Variants in AGL observed in about 807,000 individuals in gnomAD.
The protein encoded by AGL is glycogen debranching enzyme.
Under a neutral mutation model 199.3 loss-of-function variants are expected in AGL, and 128 were observed. The observed-to-expected ratio is 0.64, with a 90% CI of 0.56 to 0.74. The LOEUF is 0.74. Ranked by LOEUF, AGL falls within the 30% of genes least tolerant of loss-of-function variation. The pLI, the probability that AGL is intolerant of heterozygous loss-of-function variation, is 0.00. For synonymous variants in AGL, 584 were observed against 594.7 expected (o/e 0.98, Z 0.26); for missense variants, 1,809 against 1,820.8 (o/e 0.99, Z 0.12).
intron 2 of AGL, among the ~76,000 whole-genome samples, chr1:99,856,598 A>G (rs369468741): frequency 1.3e-5 from 2 of 152,050 alleles, no homozygotes; most frequent in Non-Finnish European, 2.9e-5. Context: ...GCGGCCTTCC[A>G]CAGTGTTTGT....
intron 2 of AGL, among the ~76,000 whole-genome samples, chr1:99,856,257 G>A (rs1442470976): frequency 6.6e-6 from 1 of 151,232 alleles, no homozygotes; most frequent in African/African-American, 2.4e-5. Context: ...GGTATGCGCT[G>A]ATATATCTAT....
intron 5 of AGL, 91 bp downstream of exon 5, chr1:99,864,680 GAGAA>G: frequency 2.5e-6 from 3 of 1,215,918 alleles, no homozygotes; most frequent in Non-Finnish European, 3.6e-6. Flanking sequence ...AAGAAAGAAA[GAGAA>G]AGGAAAGGGG....
intron 33 of AGL, among the ~76,000 whole-genome samples, chr1:99,919,400 G>A (rs776317773): frequency 3.3e-4 from 51 of 152,260 alleles, no homozygotes; most frequent in African/African-American, 1.2e-3. Context: ...TTCTGGCCCA[G>A]CAAGGTTTTC....
At chr1:99,898,912 G>A (rs1050355618) in intron 25 of AGL, among the ~76,000 whole-genome samples, 3 of 152,048 alleles carry the variant, frequency 2.0e-5, no homozygotes, top group East Asian at 1.9e-4. Context: ...ATCAGAAGTC[G>A]TTTTATTAAA....
chr1:99,909,533 C>A (rs545494778), intron 27 of AGL, among the ~76,000 whole-genome samples: 1 of 152,256 alleles, frequency 6.6e-6, no homozygotes, highest in Admixed American at 6.5e-5. Context: ...GTCCCTCTTT[C>A]CTTTTCCTTT....
At chr1:99,871,128 G>A (rs1650966212) in intron 7 of AGL, among the ~76,000 whole-genome samples, 1 of 152,158 alleles carries the variant, frequency 6.6e-6, no homozygotes, top group Non-Finnish European at 1.5e-5. Context: ...TCAGAATATT[G>A]TGGAACCCAG....
intron 20 of AGL, 57 bp downstream of exon 20, chr1:99,884,760 A>G: frequency 1.2e-6 from 2 of 1,601,960 alleles, no homozygotes; most frequent in Non-Finnish European, 1.7e-6. Flanking sequence ...TTACCACTAG[A>G]CTGAATTAAG....
intron 2 of AGL, among the ~76,000 whole-genome samples, chr1:99,856,583 A>G (rs1396201767): frequency 6.6e-6 from 1 of 151,844 alleles, no homozygotes; most frequent in Non-Finnish European, 1.5e-5. Flanking sequence ...TAGGCAAAGG[A>G]CCCTGCGGCC....
intron 5 of AGL, among the ~76,000 whole-genome samples, chr1:99,865,044 C>T (rs1557750042): frequency 6.6e-6 from 1 of 152,210 alleles, no homozygotes; most frequent in Non-Finnish European, 1.5e-5. Context: ...TGCCATCCTG[C>T]TCTATCCCAC....
At chr1:99,870,005 G>A (rs996615730) in intron 5 of AGL, among the ~76,000 whole-genome samples, 1 of 152,076 alleles carries the variant, frequency 6.6e-6, no homozygotes, top group Admixed American at 6.6e-5. Flanking sequence ...TCCTGATTCT[G>A]ATTCTGAACT....
intron 2 of AGL, among the ~76,000 whole-genome samples, chr1:99,855,522 C>T (rs1029110062): frequency 1.3e-5 from 2 of 152,072 alleles, no homozygotes; most frequent in African/African-American, 4.8e-5. Context: ...AAAATCAGGC[C>T]GAGCACGGTG....
chr1:99,855,645 A>G (rs976190951), intron 2 of AGL, among the ~76,000 whole-genome samples: 1 of 152,066 alleles, frequency 6.6e-6, no homozygotes, highest in Non-Finnish European at 1.5e-5. Flanking sequence ...TACCAAAAAT[A>G]CAAAAATTAG....
chr1:99,861,460 T>G (rs1571225892), intron 2 of AGL, 43 bp from the exon 3 acceptor site: 1 of 1,612,642 alleles, frequency 6.2e-7, no homozygotes, highest in East Asian at 2.2e-5. Flanking sequence ...ATGTGGTAAT[T>G]TAAGTCCTAC....
At chr1:99,891,170 A>G (rs1430319672) in intron 21 of AGL, 50 bp from the exon 22 acceptor site, 1 of 1,611,564 alleles carries the variant, frequency 6.2e-7, no homozygotes, top group Non-Finnish European at 8.5e-7. Flanking sequence ...GGATATAGGA[A>G]CAAATTGATG....
chr1:99,876,693 T>A, intron 11 of AGL, 96 bp downstream of exon 11: 2 of 1,401,762 alleles, frequency 1.4e-6, no homozygotes, highest in African/African-American at 1.4e-5. Context: ...CCCATTAGTC[T>A]ATTGGTTTTT....
At chr1:99,872,504 G>A (rs1240121160) in intron 7 of AGL, among the ~76,000 whole-genome samples, 3 of 150,456 alleles carry the variant, frequency 2.0e-5, no homozygotes, top group Non-Finnish European at 4.4e-5. Flanking sequence ...TGTCAATTAG[G>A]CAAAACATAC....
At chr1:99,861,807 A>C (rs1344301417) in intron 3 of AGL, 94 bp downstream of exon 3, 2 of 1,429,870 alleles carry the variant, frequency 1.4e-6, no homozygotes, top group African/African-American at 1.4e-5. Flanking sequence ...GAACCATGGC[A>C]GTGCAATTTT....
In AGL at chr1:99,877,663, A is replaced by G; in HGVS notation, c.1446A>G (p.Arg482=). Residue 482 remains arginine (R), a synonymous_variant, in exon 12 of 34, where the codon AGA becomes AGG. Transcript: ENST00000361915. ...CAGGTTCAGAAGTTTACCTAAGGAG[A>G]GAACTTATTTGCTGGGGAGACAGTG... ...AEPGSEVYLR[R]ELICWGDSVK... 1.2e-6 allele frequency: 2 copies of G among 1,613,976 alleles called. No homozygotes were observed. Among genetic ancestry groups the G allele is most frequent in the Non-Finnish European group, 1.7e-6 (2 of 1,179,964 alleles).
chr1:99,910,351 A>G (rs1654649776), intron 27 of AGL, among the ~76,000 whole-genome samples: 1 of 152,192 alleles, frequency 6.6e-6, no homozygotes, highest in African/African-American at 2.4e-5. Flanking sequence ...TTCAAATGGT[A>G]TAGAGGGTTT....
Sources: gnomAD v4.1 joint callset for allele counts (sites outside exome capture counted in the v4.1 genomes callset) on GRCh38, gnomAD v4.1.1 for gene constraint, MANE v1.5 for transcripts, NCBI Gene and HGNC (gene_info 2026-07-23, HGNC 2026-07-21) for gene names.